Variants in LINGO2 observed in about 807,000 individuals in gnomAD.
LINGO2 encodes leucine rich repeat and Ig domain containing 2, also known as leucine-rich repeat and immunoglobulin-like domain-containing nogo receptor-interacting protein 2.
LINGO2 carries 14 observed loss-of-function variants against 30.6 expected under a neutral mutation model. That is an observed-to-expected ratio of 0.46 (90% confidence interval 0.30 to 0.72). LINGO2 has a LOEUF of 0.72. LINGO2 is among the 30% of genes least tolerant of loss of function. The pLI is 0.07. For missense variants in LINGO2, 729 were observed against 751.7 expected (o/e 0.97, Z 0.35); for synonymous variants, 317 against 288.5 (o/e 1.10, Z -1.00).
the LINGO2 span, among the ~76,000 whole-genome samples, chr9:29,020,934 A>T: frequency 6.6e-6 from 1 of 152,178 alleles, no homozygotes; most frequent in Non-Finnish European, 1.5e-5. Flanking sequence ...ATTTAGTTTT[A>T]TTCAAACTAA....
At chr9:28,906,328 G>A in the LINGO2 span, among the ~76,000 whole-genome samples, 1 of 151,816 alleles carries the variant, frequency 6.6e-6, no homozygotes, top group African/African-American at 2.4e-5. Context: ...GTAAGTATGT[G>A]AGTTAATATA....
intron 4 of LINGO2, among the ~76,000 whole-genome samples, chr9:28,181,485 G>T (rs917914480): frequency 1.3e-5 from 2 of 152,124 alleles, no homozygotes; most frequent in Non-Finnish European, 2.9e-5. Context: ...AAATTCTCAG[G>T]TCCCATCCTA....
the LINGO2 span, among the ~76,000 whole-genome samples, chr9:28,880,993 C>G: frequency 6.6e-6 from 1 of 152,092 alleles, no homozygotes; most frequent in Non-Finnish European, 1.5e-5. Context: ...TATCACCCTG[C>G]TCTCCGACTA....
chr9:28,935,106 TA>T, the LINGO2 span, among the ~76,000 whole-genome samples: 4 of 150,676 alleles, frequency 2.7e-5, no homozygotes, highest in Non-Finnish European at 5.9e-5. Context: ...TCACAAAAAA[TA>T]CAAAAAAAAG....
chr9:27,965,843 G>A (rs947513804), intron 5 of LINGO2, among the ~76,000 whole-genome samples: 2 of 152,044 alleles, frequency 1.3e-5, no homozygotes, highest in African/African-American at 4.8e-5. Flanking sequence ...GTTGGCTTAA[G>A]ATGCCTGCTG....
chr9:29,041,912 C>G, the LINGO2 span, among the ~76,000 whole-genome samples: 1 of 151,848 alleles, frequency 6.6e-6, no homozygotes, highest in Non-Finnish European at 1.5e-5. Context: ...TGACAAAGAA[C>G]TGGTGTTAGA....
chr9:28,669,506 A>C (rs554027681), intron 1 of LINGO2, among the ~76,000 whole-genome samples: 2 of 152,220 alleles, frequency 1.3e-5, no homozygotes, highest in East Asian at 3.9e-4. Context: ...TAAAAAGAAA[A>C]CACAGTTGTA....
At chr9:28,707,814 G>A in the LINGO2 span, among the ~76,000 whole-genome samples, 3 of 152,060 alleles carry the variant, frequency 2.0e-5, no homozygotes, top group African/African-American at 7.2e-5. Flanking sequence ...TCTGTGCTGA[G>A]AATTATAGAA....
intron 4 of LINGO2, among the ~76,000 whole-genome samples, chr9:28,192,016 CG>C (rs2133778579): frequency 6.6e-6 from 1 of 152,060 alleles, no homozygotes; most frequent in South Asian, 2.1e-4. Context: ...CTTGAAAGCC[CG>C]ACTTGTATTT....
At chr9:28,341,634 A>C (rs149599140) in intron 3 of LINGO2, among the ~76,000 whole-genome samples, 1 of 152,180 alleles carries the variant, frequency 6.6e-6, no homozygotes, top group Non-Finnish European at 1.5e-5. Context: ...TAAATGGATA[A>C]TAGTTATTAA....
chr9:28,301,199 T>C (rs1329186091), intron 3 of LINGO2, among the ~76,000 whole-genome samples: 1 of 151,942 alleles, frequency 6.6e-6, no homozygotes, highest in Non-Finnish European at 1.5e-5. Context: ...CAAACAACAT[T>C]TGAAACACCA....
the LINGO2 span, among the ~76,000 whole-genome samples, chr9:28,878,575 T>C: frequency 3.3e-5 from 5 of 152,194 alleles, no homozygotes; most frequent in East Asian, 1.9e-4. Flanking sequence ...TGATCATTGA[T>C]GCAAAAATCC....
At chr9:28,607,145 C>G (rs1825728632) in intron 1 of LINGO2, among the ~76,000 whole-genome samples, 1 of 151,924 alleles carries the variant, frequency 6.6e-6, no homozygotes, top group South Asian at 2.1e-4. Flanking sequence ...ACACAATGAT[C>G]CATTGGTGAC....
the LINGO2 span, among the ~76,000 whole-genome samples, chr9:28,963,930 A>C: frequency 3.3e-5 from 5 of 151,916 alleles, no homozygotes; most frequent in Non-Finnish European, 7.4e-5. Flanking sequence ...AAAGGTTTCA[A>C]ATATTACCAA....
intron 4 of LINGO2, among the ~76,000 whole-genome samples, chr9:28,122,669 A>G (rs1827131918): frequency 1.3e-5 from 2 of 152,228 alleles, no homozygotes; most frequent in African/African-American, 4.8e-5. Context: ...AATTAAAAGC[A>G]ACCTATCCCA....
chr9:28,700,058 T>A, the LINGO2 span, among the ~76,000 whole-genome samples: 846 of 152,178 alleles, frequency 5.6e-3, 6 homozygotes, highest in Non-Finnish European at 7.1e-3. Flanking sequence ...AAGCATGTGA[T>A]CTTTGTGACC....
chr9:27,965,124 A>T (rs75848802), intron 5 of LINGO2, among the ~76,000 whole-genome samples: 1,561 of 152,220 alleles, frequency 0.01, 27 homozygotes, highest in African/African-American at 0.035. Flanking sequence ...AAAGACTATT[A>T]AGGATTCCAT....
intron 1 of LINGO2, among the ~76,000 whole-genome samples, chr9:28,552,308 C>A (rs912933102): frequency 6.6e-6 from 1 of 151,842 alleles, no homozygotes; most frequent in African/African-American, 2.4e-5. Context: ...CTTGGTTTAC[C>A]AGCTAAAACA....
At chr9:28,277,850 C>CAAAAAAAAAAAAAAAAAAA (rs35288673) in intron 4 of LINGO2, among the ~76,000 whole-genome samples, 1 of 135,970 alleles carries the variant, frequency 7.4e-6, no homozygotes, top group Non-Finnish European at 1.6e-5. Context: ...AAAAAAAAAA[C>CAAAAAAAAAAAAAAAAAAA]AAAAAAAAAA....
Sources: allele counts gnomAD v4.1 joint callset (sites outside exome capture counted in the v4.1 genomes callset), GRCh38; gene constraint gnomAD v4.1.1; transcripts MANE v1.5; gene names NCBI Gene and HGNC (gene_info 2026-07-23, HGNC 2026-07-21).